The following DPH6 variants were observed in gnomAD, a reference collection of about 807,000 sequenced individuals.
DPH6 encodes diphthine--ammonia ligase.
A neutral mutation model predicts 38.2 loss-of-function variants in DPH6; 33 were observed. That is an observed-to-expected ratio of 0.86 (90% CI 0.65 to 1.15). The LOEUF (loss-of-function observed/expected upper bound fraction) is 1.15, where lower values mean the gene tolerates loss of function less well. Among genes scored for constraint, DPH6 ranks in the 50% most tolerant of loss-of-function variants. The pLI, the probability that DPH6 is intolerant of heterozygous loss-of-function variation, is 0.00. For synonymous variants in DPH6, 108 were observed against 103.0 expected (o/e 1.05, Z -0.30); for missense variants, 325 against 320.0 (o/e 1.02, Z -0.12).
downstream of DPH6, among the ~76,000 whole-genome samples, chr15:35,369,631 A>AAAG (rs1187093137): frequency 4.6e-5 from 7 of 151,580 alleles, no homozygotes; most frequent in African/African-American, 1.5e-4. Flanking sequence ...GAAAAAAAAA[A>AAAG]AAAGAAAAAT....
At chr15:35,508,690 C>T (rs376033053) in intron 3 of DPH6, among the ~76,000 whole-genome samples, 6 of 152,000 alleles carry the variant, frequency 3.9e-5, no homozygotes, top group African/African-American at 7.3e-5. Context: ...CTTTTACTGC[C>T]GAACAAAACA....
At chr15:35,246,052 T>A (rs1595444860) in intron 3 of DPH6, among the ~76,000 whole-genome samples, 1 of 152,186 alleles carries the variant, frequency 6.6e-6, no homozygotes, top group African/African-American at 2.4e-5. Context: ...ACTGAGCACC[T>A]TGTGACCCCT....
At chr15:35,305,363 T>C (rs2052081646) in intron 3 of DPH6, among the ~76,000 whole-genome samples, 1 of 70,846 alleles carries the variant, frequency 1.4e-5, no homozygotes, top group Non-Finnish European at 2.8e-5. Context: ...CTATTTTTCA[T>C]GACTTTAACC....
At chr15:35,175,636 A>C in the DPH6 span, among the ~76,000 whole-genome samples, 1 of 137,256 alleles carries the variant, frequency 7.3e-6, no homozygotes, top group Non-Finnish European at 1.6e-5. Flanking sequence ...GAAGGTACCA[A>C]CACATAAATG....
rs142345776 is a variant in DPH6, at chr15:35,281,367, G to C, written n.201-60785C>G. On this transcript the variant is annotated intron_variant and non_coding_transcript_variant, in intron 3 of 3. Transcript: ENST00000560386. ...ATAGCTCACAAAATTAAAGACCCAAGAGAAACACTGCCTGAAAACTTTAAA... is the reference window on the plus strand; with the variant it reads ...ATAGCTCACAAAATTAAAGACCCAACAGAAACACTGCCTGAAAACTTTAAA... Among the ~76,000 whole-genome samples the C allele has an allele frequency of 4.2e-4, 64 of 152,172 alleles. No homozygotes were observed. The East Asian group carries it at 0.012, about 28-fold the overall frequency.
At chr15:35,214,614 C>CT (rs983547247), downstream of DPH6, among the ~76,000 whole-genome samples, 15 of 149,722 alleles carry the variant, frequency 1.0e-4, no homozygotes, top group East Asian at 7.8e-4. Context: ...ACGGATAAAA[C>CT]TTTTTTTTTT....
chr15:35,480,085 C>T (rs2054309285), intron 3 of DPH6, among the ~76,000 whole-genome samples: 1 of 151,332 alleles, frequency 6.6e-6, no homozygotes, highest in Non-Finnish European at 1.5e-5. Context: ...TTTTGGCATG[C>T]ATTAACTGAA....
chr15:35,365,753 C>T (rs147764850), intron 3 of DPH6: 197 of 982,936 alleles, frequency 2.0e-4, no homozygotes, highest in Non-Finnish European at 2.3e-4. Context: ...TCCATTTACT[C>T]GAGACAGAAA....
At chr15:35,198,125 G>A in the DPH6 span, among the ~76,000 whole-genome samples, 1 of 150,800 alleles carries the variant, frequency 6.6e-6, no homozygotes, top group African/African-American at 2.4e-5. Context: ...ATATGATCCA[G>A]GTACTCTAGT....
At chr15:35,325,225 A>G (rs1197606414) in intron 3 of DPH6, among the ~76,000 whole-genome samples, 1 of 152,148 alleles carries the variant, frequency 6.6e-6, no homozygotes, top group East Asian at 1.9e-4. Flanking sequence ...AAATTGACAA[A>G]CTGAATCTAA....
intron 5 of DPH6, among the ~76,000 whole-genome samples, chr15:35,437,554 A>G (rs933699226): frequency 1.3e-5 from 2 of 152,316 alleles, no homozygotes; most frequent in East Asian, 3.9e-4. Context: ...GGTAAAGGGA[A>G]TGGTAAGGAT....
At chr15:35,247,861 G>C (rs75071513) in intron 3 of DPH6, among the ~76,000 whole-genome samples, 4,281 of 152,208 alleles carry the variant, frequency 0.028, 89 homozygotes, top group Middle Eastern at 0.044. Context: ...AAAGCAACTA[G>C]GTTTTGTTGC....
intron 3 of DPH6, among the ~76,000 whole-genome samples, chr15:35,226,420 T>C (rs967010326): frequency 6.6e-6 from 1 of 151,768 alleles, no homozygotes; most frequent in Admixed American, 6.6e-5. Context: ...TAGAGGAAAG[T>C]TTCCACATAC....
intron 3 of DPH6, among the ~76,000 whole-genome samples, chr15:35,499,510 G>T (rs2054598880): frequency 6.6e-6 from 1 of 152,096 alleles, no homozygotes; most frequent in South Asian, 2.1e-4. Flanking sequence ...TGGAAATCTG[G>T]GGAAAGGTTT....
At chr15:35,190,788 C>A in the DPH6 span, among the ~76,000 whole-genome samples, 1 of 152,204 alleles carries the variant, frequency 6.6e-6, no homozygotes, top group African/African-American at 2.4e-5. Context: ...AAAGTTAGTT[C>A]GGCTTTTGCC....
intron 3 of DPH6, among the ~76,000 whole-genome samples, chr15:35,534,535 T>C (rs1235342869): frequency 3.3e-5 from 5 of 152,022 alleles, no homozygotes; most frequent in Admixed American, 6.6e-5. Context: ...GAAAAGTTCT[T>C]GACTACTGAA....
intron 3 of DPH6, among the ~76,000 whole-genome samples, chr15:35,250,006 A>AT (rs1274173599): frequency 1.1e-5 from 1 of 88,034 alleles, no homozygotes; most frequent in Non-Finnish European, 3.7e-5. Context: ...TACTAAAAAT[A>AT]TAAAAAAAAA....
At chr15:35,200,450 C>T in the DPH6 span, among the ~76,000 whole-genome samples, 1 of 152,076 alleles carries the variant, frequency 6.6e-6, no homozygotes, top group Non-Finnish European at 1.5e-5. Context: ...AAAAGACTGA[C>T]ATTAAAAAAG....
chr15:35,319,764 A>G (rs555126176), intron 3 of DPH6, among the ~76,000 whole-genome samples: 29 of 151,430 alleles, frequency 1.9e-4, no homozygotes, highest in Non-Finnish European at 2.9e-5. Context: ...TTTCTTACAT[A>G]TATTTATTTA....
Sources: gnomAD v4.1 joint callset for allele counts (sites outside exome capture counted in the v4.1 genomes callset) on GRCh38, gnomAD v4.1.1 for gene constraint, MANE v1.5 for transcripts, NCBI Gene and HGNC (gene_info 2026-07-23, HGNC 2026-07-21) for gene names.